Variants in GABRB1 observed in about 807,000 individuals in gnomAD.
GABRB1 encodes gamma-aminobutyric acid receptor subunit beta-1.
Under a neutral mutation model 51.6 loss-of-function variants are expected in GABRB1, and 17 were observed. The ratio of observed to expected loss-of-function variants is 0.33; its 90% CI spans 0.23 to 0.49. The LOEUF (loss-of-function observed/expected upper bound fraction) is 0.49. Among genes scored for constraint, GABRB1 ranks in the 20% least tolerant of loss-of-function variants. GABRB1 has a pLI of 0.99. For missense variants in GABRB1, 410 were observed against 600.6 expected (o/e 0.68, Z 3.32); for synonymous variants, 247 against 218.9 (o/e 1.13, Z -1.14).
At chr4:47,323,316 A>G (rs1411939215) in intron 5 of GABRB1, among the ~76,000 whole-genome samples, 1 of 152,188 alleles carries the variant, frequency 6.6e-6, no homozygotes, top group East Asian at 1.9e-4. Flanking sequence ...CAATAGATAA[A>G]CCAATGTAGA....
At chr4:47,246,382 A>ATG (rs1721759909) in intron 4 of GABRB1, among the ~76,000 whole-genome samples, 5 of 51,838 alleles carry the variant, frequency 9.6e-5, no homozygotes, top group African/African-American at 4.9e-4. Flanking sequence ...ATATATATAT[A>ATG]TATATATATA....
chr4:47,178,801 A>G (rs1718811857), intron 4 of GABRB1, among the ~76,000 whole-genome samples: 1 of 152,126 alleles, frequency 6.6e-6, no homozygotes, highest in Non-Finnish European at 1.5e-5. Flanking sequence ...GCTTAAGAAA[A>G]TTAGGAACGA....
intron 4 of GABRB1, among the ~76,000 whole-genome samples, chr4:47,262,844 C>G (rs1722495345): frequency 6.6e-6 from 1 of 152,010 alleles, no homozygotes; most frequent in African/African-American, 2.4e-5. Context: ...ACATATGCAC[C>G]ATGGAATACT....
At chr4:47,286,161 T>A (rs1291759406) in intron 4 of GABRB1, among the ~76,000 whole-genome samples, 2 of 152,206 alleles carry the variant, frequency 1.3e-5, no homozygotes, top group Admixed American at 6.5e-5. Context: ...CATGTATTAA[T>A]GTCTTTCTGC....
At chr4:47,418,366 T>G (rs1667115705) in intron 8 of GABRB1, among the ~76,000 whole-genome samples, 1 of 152,196 alleles carries the variant, frequency 6.6e-6, no homozygotes, top group Non-Finnish European at 1.5e-5. Flanking sequence ...TGCTGGAAAC[T>G]TGGCCAACGT....
At chr4:47,295,346 GT>G (rs1450046561) in intron 4 of GABRB1, among the ~76,000 whole-genome samples, 2 of 152,142 alleles carry the variant, frequency 1.3e-5, no homozygotes, top group Non-Finnish European at 2.9e-5. Context: ...AGGCAAAGAA[GT>G]TAAAAACTTT....
In GABRB1 at chr4:47,226,621, G is replaced by A. The variant is rs372492566; in HGVS notation, c.461+65152G>A. On this transcript the variant is annotated intron_variant, in intron 4 of 8. Transcript: ENST00000295454. ...TTTTTTATATAAAACACAGAAAGAG[G>A]GATTATCACCAAGAAATCTTCATCC... Among the ~76,000 whole-genome samples the A allele has an allele frequency of 2.6e-5, 4 of 151,960 alleles. No homozygotes were observed. In the East Asian group the frequency reaches 5.8e-4, roughly 22 times the overall value.
chr4:47,077,791 TTTGA>T (rs1337749962), intron 3 of GABRB1, among the ~76,000 whole-genome samples: 1 of 121,180 alleles, frequency 8.3e-6, no homozygotes, highest in Non-Finnish European at 1.7e-5. Flanking sequence ...TAGCTTGTGT[TTTGA>T]TTAATAATTA....
intron 4 of GABRB1, among the ~76,000 whole-genome samples, chr4:47,161,712 T>C (rs1717960646): frequency 6.6e-6 from 1 of 152,058 alleles, no homozygotes; most frequent in Non-Finnish European, 1.5e-5. Flanking sequence ...AACCTGTTAT[T>C]ATAGGATATG....
chr4:47,147,700 CT>C (rs1406735097), intron 3 of GABRB1, among the ~76,000 whole-genome samples: 1 of 152,032 alleles, frequency 6.6e-6, no homozygotes, highest in East Asian at 1.9e-4. Flanking sequence ...AATCTAAGGC[CT>C]GTTCAATACG....
intron 3 of GABRB1, among the ~76,000 whole-genome samples, chr4:47,080,868 T>G (rs1218390476): frequency 6.6e-6 from 1 of 152,192 alleles, no homozygotes; most frequent in Non-Finnish European, 1.5e-5. Flanking sequence ...CACAGATTTT[T>G]GGGTAAACAC....
intron 5 of GABRB1, among the ~76,000 whole-genome samples, chr4:47,391,497 T>C (rs1727990101): frequency 6.6e-6 from 1 of 152,240 alleles, no homozygotes; most frequent in African/African-American, 2.4e-5. Flanking sequence ...AAACCATCAC[T>C]GACTCTCAGC....
chr4:47,337,518 G>A (rs922427348), intron 5 of GABRB1, among the ~76,000 whole-genome samples: 6 of 151,974 alleles, frequency 3.9e-5, no homozygotes, highest in Non-Finnish European at 8.8e-5. Context: ...GGAATGCATA[G>A]ATCTGGCCGG....
chr4:47,079,640 C>T (rs1727735816), intron 3 of GABRB1, among the ~76,000 whole-genome samples: 1 of 152,070 alleles, frequency 6.6e-6, no homozygotes, highest in Non-Finnish European at 1.5e-5. Flanking sequence ...AAATGTGGCA[C>T]ATATACACCA....
chr4:47,345,963 G>A (rs892510434), intron 5 of GABRB1, among the ~76,000 whole-genome samples: 1 of 151,904 alleles, frequency 6.6e-6, no homozygotes, highest in African/African-American at 2.4e-5. Flanking sequence ...TGCCCCACAT[G>A]AGGCCACAAA....
intron 4 of GABRB1, among the ~76,000 whole-genome samples, chr4:47,299,152 G>A (rs1413042489): frequency 1.3e-5 from 2 of 152,054 alleles, no homozygotes; most frequent in Non-Finnish European, 2.9e-5. Flanking sequence ...GAAAACCTAG[G>A]TATTACCATT....
chr4:47,294,354 A>C (rs1193742302), intron 4 of GABRB1, among the ~76,000 whole-genome samples: 2 of 152,190 alleles, frequency 1.3e-5, no homozygotes, highest in Non-Finnish European at 1.5e-5. Context: ...TTTCCTAGTC[A>C]AAGAAAGGGG....
At chr4:47,082,253 G>C (rs1727882191) in intron 3 of GABRB1, among the ~76,000 whole-genome samples, 1 of 151,736 alleles carries the variant, frequency 6.6e-6, no homozygotes, top group African/African-American at 2.4e-5. Context: ...TTATATCACT[G>C]TTATAAATGG....
chr4:47,309,433 G>T (rs943506639), intron 4 of GABRB1, among the ~76,000 whole-genome samples: 3 of 152,098 alleles, frequency 2.0e-5, no homozygotes, highest in Non-Finnish European at 4.4e-5. Context: ...GGATTGCACT[G>T]AGAAGAGTGT....
Sources: gnomAD v4.1 joint callset for allele counts (sites outside exome capture counted in the v4.1 genomes callset) on GRCh38, gnomAD v4.1.1 for gene constraint, MANE v1.5 for transcripts, NCBI Gene and HGNC (gene_info 2026-07-23, HGNC 2026-07-21) for gene names.